The following ZKSCAN2 variants were observed in gnomAD, a reference collection of about 807,000 sequenced individuals.
The protein encoded by ZKSCAN2 is zinc finger with KRAB and SCAN domains 2, also known as zinc finger protein with KRAB and SCAN domains 2.
ZKSCAN2 carries 38 observed loss-of-function variants against 90.5 expected under a neutral mutation model. The observed-to-expected ratio is 0.42, with a 90% confidence interval of 0.32 to 0.55. ZKSCAN2 has a LOEUF of 0.55. Ranked by LOEUF, ZKSCAN2 falls within the 20% of genes least tolerant of loss-of-function variation. ZKSCAN2 has a pLI of 0.11. For synonymous variants in ZKSCAN2, 429 were observed against 421.6 expected, an observed-to-expected ratio of 1.02 and a Z score of -0.22; for missense variants, 1,167 against 1,202.6, an observed-to-expected ratio of 0.97 and a Z score of 0.44.
intron 6 of ZKSCAN2, among the ~76,000 whole-genome samples, chr16:25,242,930 G>T (rs1257717515): frequency 6.6e-6 from 1 of 152,224 alleles, no homozygotes. Context: ...GAGGGCGGGA[G>T]CCCACAGGGA....
intron 4 of ZKSCAN2, among the ~76,000 whole-genome samples, chr16:25,248,348 GA>G (rs35328944): frequency 7.5e-6 from 1 of 134,084 alleles, no homozygotes; most frequent in African/African-American, 2.8e-5. Flanking sequence ...ACAAAGTGAT[GA>G]AAAAATCTAT....
chr16:25,241,283 T>C (rs1962850529), intron 6 of ZKSCAN2, among the ~76,000 whole-genome samples: 2 of 152,214 alleles, frequency 1.3e-5, no homozygotes, highest in Non-Finnish European at 2.9e-5. Flanking sequence ...ATTGGATTAT[T>C]TTCTCACTCT....
intron 6 of ZKSCAN2, 77 bp downstream of exon 6, chr16:25,243,705 TATG>T: frequency 6.9e-7 from 1 of 1,450,094 alleles, no homozygotes. Context: ...ATTCATGAGC[TATG>T]TGCAAGATCT....
intron 3 of ZKSCAN2, among the ~76,000 whole-genome samples, chr16:25,252,253 T>C (rs576337016): frequency 6.6e-6 from 1 of 152,310 alleles, no homozygotes; most frequent in East Asian, 1.9e-4. Flanking sequence ...CTGGGTCCCA[T>C]CTTTTCAGGA....
At chr16:25,242,846 G>GAA (rs1422371026) in intron 6 of ZKSCAN2, among the ~76,000 whole-genome samples, 2 of 152,336 alleles carry the variant, frequency 1.3e-5, no homozygotes, top group East Asian at 3.9e-4. Context: ...GTCTAGGCAA[G>GAA]AGAGAGAGAA....
rs773185486 is a variant in ZKSCAN2 at position 25,246,962 on chromosome 16, T to C, written c.1234A>G (p.Met412Val). 3.8e-5 allele frequency: 61 copies of C among 1,614,074 alleles called. No individual in the cohort carries two copies. The highest frequency in any genetic ancestry group is 5.1e-5 in the Non-Finnish European group (60 of 1,180,050). ...KSYRKVRNGH[M>V]LEPCAFFEDM... ...TCAAAGAAGGCGCAGGGTTCTAGCA[T>C]GTGGCCATTTCTCACCTTTCGATAG... The change falls in exon 5 of 7, where the codon ATG becomes GTG. Residue 412 changes from methionine (M) to valine (V), a missense_variant. By Grantham distance (21) the Met-to-Val change is conservative. Coordinates refer to ENST00000328086, the MANE Select transcript of ZKSCAN2 (RefSeq NM_001012981.5).
At position 25,240,433 on chromosome 16, in the gene ZKSCAN2, G is replaced by C; in HGVS notation, c.2287C>G (p.Leu763Val). 3.1e-6 allele frequency: 5 copies of C among 1,614,180 alleles called. No individual in the cohort carries two copies. The highest frequency in any genetic ancestry group is 4.2e-6 in the Non-Finnish European group (5 of 1,180,048). ...TTGTGGTGGGTCATCCGGCACATCA[G>C]ACGAGTGCTCCTTCCAAAGCTTTCT... ...YGESFGRSTR[L>V]MCRMTHHKEN... The change falls in exon 7 of 7, where the codon CTG becomes GTG. Residue 763 changes from leucine to valine, a missense_variant. Leu to Val is a conservative substitution (Grantham distance 32, BLOSUM62 1). Coordinates refer to ENST00000328086, the MANE Select transcript of ZKSCAN2 (RefSeq NM_001012981.5).
chr16:25,241,758 C>T (rs958577207), intron 6 of ZKSCAN2, among the ~76,000 whole-genome samples: 1 of 152,226 alleles, frequency 6.6e-6, no homozygotes, highest in South Asian at 2.1e-4. Flanking sequence ...TTTCCTTCCA[C>T]ACATTCAGTA....
rs1456056436 is a variant in ZKSCAN2 at position 25,240,290 on chromosome 16, T to G, written c.2430A>C (p.Lys810Asn). 1.9e-6 allele frequency: 3 copies of G among 1,614,096 alleles called. No individual in the cohort carries two copies. In the South Asian group the frequency reaches 3.3e-5, roughly 18 times the overall value. Residue 810 changes from lysine to asparagine, a missense_variant, in exon 7 of 7, where the codon AAA becomes AAC. Lys to Asn is a moderately conservative substitution (Grantham distance 94, BLOSUM62 0). Coordinates refer to ENST00000328086, the MANE Select transcript of ZKSCAN2 (RefSeq NM_001012981.5). Reference protein sequence around the residue: ...EKPFKCLDCGKSFNDSSNFGA... With the variant: ...EKPFKCLDCGNSFNDSSNFGA... ...CAAAATTTGAGGAGTCATTAAAGCT[T>G]TTTCCACAGTCAAGACATTTAAAAG...
intron 4 of ZKSCAN2, among the ~76,000 whole-genome samples, chr16:25,251,369 T>C (rs1265998278): frequency 6.6e-6 from 1 of 152,190 alleles, no homozygotes; most frequent in African/African-American, 2.4e-5. Flanking sequence ...TTGAAAATTA[T>C]TGGTACAGAT....
In ZKSCAN2 at chr16:25,240,301, C is replaced by G. The variant is rs767671587; in HGVS notation, c.2419G>C (p.Asp807His). Residue 807 changes from aspartate (D) to histidine (H), a missense_variant, in exon 7 of 7, where the codon GAC becomes CAC. Asp to His is a moderately conservative substitution (Grantham distance 81, BLOSUM62 -1). Coordinates refer to ENST00000328086, the MANE Select transcript of ZKSCAN2 (RefSeq NM_001012981.5). ...HTGEKPFKCLDCGKSFNDSSN... is the reference protein window; with the variant it reads ...HTGEKPFKCLHCGKSFNDSSN... Reference sequence around the variant, plus strand: ...GAGTCATTAAAGCTTTTTCCACAGTCAAGACATTTAAAAGGTTTTTCGCCT... The same window carrying G: ...GAGTCATTAAAGCTTTTTCCACAGTGAAGACATTTAAAAGGTTTTTCGCCT... 2 of 1,613,952 alleles carry G rather than the reference C, an allele frequency of 1.2e-6. No individual in the cohort carries two copies. Among genetic ancestry groups the G allele is most frequent in the Admixed American group, 3.3e-5 (2 of 59,998 alleles).
In ZKSCAN2 at chr16:25,257,158, G is replaced by C. The variant is rs1343170522; in HGVS notation, c.-31C>G. 6.5e-6 allele frequency: 10 copies of C among 1,550,322 alleles called. No homozygotes were observed. In the South Asian group the frequency reaches 1.1e-4, roughly 17 times the overall value. The stretch of plus-strand genomic sequence containing the variant: ...AGCCCAGGGGTCAACTTCACGTCTA[G>C]CTCAAGGTGGGGACCCAAAGAAGAC... On this transcript the variant is annotated 5_prime_UTR_variant, in exon 1 of 7. Transcript: ENST00000328086.
intron 4 of ZKSCAN2, among the ~76,000 whole-genome samples, 162 bp from the exon 5 acceptor site, chr16:25,247,552 TCTA>T (rs1325791994): frequency 6.6e-6 from 1 of 152,222 alleles, no homozygotes; most frequent in Non-Finnish European, 1.5e-5. Flanking sequence ...GGTACAAACA[TCTA>T]CTAACTTACA....
At chr16:25,245,972 C>A (rs1174240553) in intron 5 of ZKSCAN2, among the ~76,000 whole-genome samples, 1 of 152,122 alleles carries the variant, frequency 6.6e-6, no homozygotes, top group African/African-American at 2.4e-5. Context: ...AAAGTAGTTA[C>A]GTGATGTGTC....
chr16:25,257,800 G>C lies in ZKSCAN2; in HGVS notation c.-673C>G, dbSNP rs940137520. The stretch of plus-strand genomic sequence containing the variant: ...CGCAGGGGGCAGCGGCAGGCTGCTC[G>C]CGTTCGGCCTCGTCCACTCGGCCCG... On this transcript the variant is annotated 5_prime_UTR_variant, in exon 1 of 7. Coordinates refer to ENST00000328086, the MANE Select transcript of ZKSCAN2 (RefSeq NM_001012981.5). 2 of 152,236 alleles carry C rather than the reference G, an allele frequency of 1.3e-5. No homozygotes were observed. The highest frequency in any genetic ancestry group is 2.9e-5 in the Non-Finnish European group (2 of 68,108). The allele number at this position is 152,236 out of a possible 1,614,324, so 9.4% of individuals were successfully genotyped here. A position where few individuals can be genotyped will look rare whatever the true frequency, so the allele number is the denominator to read the frequency against.
chr16:25,247,518 C>T (rs889039741), intron 4 of ZKSCAN2, 128 bp from the exon 5 acceptor site: 4 of 698,086 alleles, frequency 5.7e-6, no homozygotes, highest in Middle Eastern at 4.1e-4. Flanking sequence ...TGACACTGCA[C>T]ATTTATTTTT....
At chr16:25,248,254 T>A (rs1962966917) in intron 4 of ZKSCAN2, among the ~76,000 whole-genome samples, 1 of 69,884 alleles carries the variant, frequency 1.4e-5, no homozygotes, top group Non-Finnish European at 2.8e-5. Flanking sequence ...TGAGTGGGAC[T>A]ACATCAAACT....
rs1301662407 is a variant in ZKSCAN2, at chr16:25,247,261, T to C, written c.935A>G (p.His312Arg). Residue 312 changes from histidine to arginine, a missense_variant, in exon 5 of 7, where the codon CAT becomes CGT. By Grantham distance (29) the His-to-Arg change is conservative (BLOSUM62 0). Coordinates refer to ENST00000328086, the MANE Select transcript of ZKSCAN2 (RefSeq NM_001012981.5). Reference protein sequence around the residue: ...RSNYVKEKSVHAIQVPARSAG... With the variant: ...RSNYVKEKSVRAIQVPARSAG... ...ACTCCTTGCAGGGACCTGAATAGCA[T>C]GAACTGACTTTTCCTTGACGTAGTT... 14 of 1,614,222 alleles carry C rather than the reference T, an allele frequency of 8.7e-6. No individual in the cohort carries two copies. Among genetic ancestry groups the C allele is most frequent in the East Asian group, 2.2e-5 (1 of 44,882 alleles).
intron 4 of ZKSCAN2, among the ~76,000 whole-genome samples, chr16:25,251,112 G>A (rs1963013749): frequency 6.6e-6 from 1 of 151,674 alleles, no homozygotes; most frequent in African/African-American, 2.4e-5. Flanking sequence ...CAATAAAGTC[G>A]AAAAAAATTT....
Sources: gnomAD v4.1 joint callset for allele counts (sites outside exome capture counted in the v4.1 genomes callset) on GRCh38, gnomAD v4.1.1 for gene constraint, MANE v1.5 for transcripts, NCBI Gene and HGNC (gene_info 2026-07-23, HGNC 2026-07-21) for gene names.